The following TAFA1 variants were observed in gnomAD, a reference collection of about 807,000 sequenced individuals.
The protein encoded by TAFA1 is chemokine-like protein TAFA-1.
Under a neutral mutation model 18.5 loss-of-function variants are expected in TAFA1, and 4 were observed. That is an observed-to-expected ratio of 0.22 (90% CI 0.11 to 0.49). TAFA1 has a LOEUF of 0.49. Ranked by LOEUF, TAFA1 falls within the 20% of genes least tolerant of loss-of-function variation. The pLI is 0.98. For missense variants in TAFA1, 147 were observed against 169.0 expected, an observed-to-expected ratio of 0.87 and a Z score of 0.72; for synonymous variants, 56 against 55.2, an observed-to-expected ratio of 1.01 and a Z score of -0.06.
intron 3 of TAFA1, among the ~76,000 whole-genome samples, chr3:68,498,822 G>A (rs923360637): frequency 1.4e-5 from 2 of 141,726 alleles, no homozygotes; most frequent in African/African-American, 2.7e-5. Flanking sequence ...AGTAATTCTT[G>A]TGTATAGAGG....
At chr3:68,483,232 G>A (rs185846311) in intron 3 of TAFA1, among the ~76,000 whole-genome samples, 1 of 152,238 alleles carries the variant, frequency 6.6e-6, no homozygotes, top group East Asian at 1.9e-4. Context: ...TTAAAAAATA[G>A]ATATACATGT....
chr3:68,509,750 T>C (rs1050914587), intron 3 of TAFA1, among the ~76,000 whole-genome samples: 12 of 152,038 alleles, frequency 7.9e-5, no homozygotes, highest in African/African-American at 2.9e-4. Context: ...ACTCTCTCTG[T>C]TTGGAGAGAA....
intron 2 of TAFA1, among the ~76,000 whole-genome samples, chr3:68,279,186 G>T (rs1014359500): frequency 3.3e-5 from 5 of 152,110 alleles, no homozygotes; most frequent in Non-Finnish European, 7.4e-5. Context: ...CTAGAACCAG[G>T]ATAGCTAAAA....
intron 2 of TAFA1, among the ~76,000 whole-genome samples, chr3:68,376,137 G>A (rs1444130788): frequency 6.6e-6 from 1 of 152,006 alleles, no homozygotes; most frequent in Non-Finnish European, 1.5e-5. Flanking sequence ...GGTCCTCAAT[G>A]TTAATCAATT....
chr3:68,295,417 T>TA (rs57202047), intron 2 of TAFA1, among the ~76,000 whole-genome samples: 107 of 148,486 alleles, frequency 7.2e-4, no homozygotes, highest in Admixed American at 9.4e-4. Flanking sequence ...TTTTTTCAGT[T>TA]AAAAAAAAAA....
chr3:68,263,446 TACACAC>T (rs3033685), intron 2 of TAFA1, among the ~76,000 whole-genome samples: 10 of 137,798 alleles, frequency 7.3e-5, no homozygotes, highest in South Asian at 2.5e-4. Flanking sequence ...CACACACACA[TACACAC>T]ACACACACAC....
intron 2 of TAFA1, among the ~76,000 whole-genome samples, chr3:68,134,195 G>A (rs2065579263): frequency 6.6e-6 from 1 of 151,982 alleles, no homozygotes; most frequent in African/African-American, 2.4e-5. Context: ...GTGGGCACAA[G>A]AGTGGAAGGG....
intron 2 of TAFA1, among the ~76,000 whole-genome samples, chr3:68,114,014 C>A (rs939792919): frequency 6.7e-6 from 1 of 148,324 alleles, no homozygotes; most frequent in African/African-American, 2.5e-5. Context: ...AAACAATTAT[C>A]ATGTCTCAGC....
At chr3:68,460,154 A>G (rs771844691) in intron 3 of TAFA1, among the ~76,000 whole-genome samples, 1 of 152,172 alleles carries the variant, frequency 6.6e-6, no homozygotes, top group African/African-American at 2.4e-5. Flanking sequence ...AACAGCAAAA[A>G]TTTAGCTGAA....
At chr3:68,468,829 T>C (rs2071938223) in intron 3 of TAFA1, among the ~76,000 whole-genome samples, 1 of 152,210 alleles carries the variant, frequency 6.6e-6, no homozygotes, top group African/African-American at 2.4e-5. Context: ...TTTTCTATTA[T>C]CTGCAAATGT....
intron 2 of TAFA1, among the ~76,000 whole-genome samples, chr3:68,125,565 C>T (rs374026151): frequency 6.2e-4 from 95 of 152,226 alleles, no homozygotes; most frequent in Non-Finnish European, 1.1e-3. Flanking sequence ...GATGTGGAAG[C>T]CCTTTGTCTT....
intron 2 of TAFA1, among the ~76,000 whole-genome samples, chr3:68,142,307 G>T (rs891566722): frequency 4.6e-5 from 7 of 152,214 alleles, no homozygotes. Flanking sequence ...AGATCACACA[G>T]TTAGTAGCTG....
chr3:68,038,184 T>C (rs1263563527), intron 2 of TAFA1, among the ~76,000 whole-genome samples: 1 of 152,204 alleles, frequency 6.6e-6, no homozygotes, highest in African/African-American at 2.4e-5. Flanking sequence ...TTTTAATGAC[T>C]CTCATTGTCA....
At chr3:68,120,239 T>C (rs1459950686) in intron 2 of TAFA1, among the ~76,000 whole-genome samples, 1 of 134,830 alleles carries the variant, frequency 7.4e-6, no homozygotes, top group Non-Finnish European at 1.6e-5. Context: ...CTTTCTTTCT[T>C]TCTTTCTTTC....
chr3:68,443,372 C>G (rs568996174), intron 3 of TAFA1, among the ~76,000 whole-genome samples: 13 of 150,586 alleles, frequency 8.6e-5, no homozygotes, highest in African/African-American at 3.2e-4. Flanking sequence ...GCATCTACCT[C>G]ACAGTCTAGG....
intron 2 of TAFA1, among the ~76,000 whole-genome samples, chr3:68,408,584 CT>C (rs2070655566): frequency 1.3e-5 from 2 of 152,130 alleles, no homozygotes; most frequent in African/African-American, 4.8e-5. Context: ...TTTTCCTTTT[CT>C]TTCCCTTTAC....
rs1184746319 is a variant in TAFA1, at chr3:68,441,017, G to C, written c.259+23597G>C. ...TCTTCTACCTCAGTAAAATTTCTAG[G>C]GGTCCAGTGGTGTTGGGTCTGTCGA... On this transcript the variant is annotated intron_variant, in intron 3 of 4. Transcript: ENST00000478136. Among the ~76,000 whole-genome samples the C allele has an allele frequency of 2.6e-5, 4 of 152,082 alleles. No individual in the cohort carries two copies. The East Asian group carries it at 7.7e-4, about 29-fold the overall frequency.
At chr3:68,512,197 G>A (rs781415989) in intron 3 of TAFA1, among the ~76,000 whole-genome samples, 11 of 152,130 alleles carry the variant, frequency 7.2e-5, no homozygotes, top group Non-Finnish European at 1.5e-4. Flanking sequence ...TAGACTTATC[G>A]ATTTACTTAC....
chr3:68,474,952 A>C (rs1014207816), intron 3 of TAFA1, among the ~76,000 whole-genome samples: 1 of 151,842 alleles, frequency 6.6e-6, no homozygotes. Flanking sequence ...ACAAAAGTGG[A>C]GAGTTCCTCA....
Sources: gnomAD v4.1 joint callset for allele counts (sites outside exome capture counted in the v4.1 genomes callset) on GRCh38, gnomAD v4.1.1 for gene constraint, MANE v1.5 for transcripts, NCBI Gene and HGNC (gene_info 2026-07-23, HGNC 2026-07-21) for gene names.